RNF10: variants seen among roughly 807,000 people sequenced by gnomAD.
RNF10 encodes E3 ubiquitin-protein ligase RNF10.
RNF10 carries 38 observed loss-of-function variants against 91.4 expected under a neutral mutation model. That is an observed-to-expected ratio of 0.42 (90% confidence interval 0.32 to 0.54). The LOEUF is 0.54. Among genes scored for constraint, RNF10 ranks in the 20% least tolerant of loss-of-function variants. RNF10 has a pLI of 0.16. For missense variants in RNF10, 945 were observed against 1,012.0 expected (o/e 0.93, Z 0.90); for synonymous variants, 364 against 366.3 (o/e 0.99, Z 0.07).
intron 10 of RNF10, among the ~76,000 whole-genome samples, chr12:120,564,183 G>C (rs2137233625): frequency 6.6e-6 from 1 of 152,160 alleles, no homozygotes; most frequent in African/African-American, 2.4e-5. Flanking sequence ...TTGTAGTTTG[G>C]GGATATAGAT....
chr12:120,562,702 G>A (rs1875061746), intron 7 of RNF10, among the ~76,000 whole-genome samples: 1 of 152,074 alleles, frequency 6.6e-6, no homozygotes, highest in Non-Finnish European at 1.5e-5. Flanking sequence ...CACAATGATT[G>A]AACTAATTTA....
At position 120,544,054 on chromosome 12, in the gene RNF10, T is replaced by A. The variant is rs890921229; in HGVS notation, c.158-2351T>A. Among the ~76,000 whole-genome samples, 4 of 151,246 alleles carry A rather than the reference T, an allele frequency of 2.6e-5. No homozygotes were observed. The East Asian group carries it at 7.9e-4, about 30-fold the overall frequency. ...ACCAGCCTGGCCAATGTGGCGAAAC[T>A]CCATCTCTACTAAAAATACAGAATT... On this transcript the variant is annotated intron_variant, in intron 1 of 16. Transcript: ENST00000325954.
Position 120,546,546 on chromosome 12 carries a change from G to T in RNF10, c.299G>T (p.Gly100Val). The change falls in exon 2 of 17, where the codon GGC becomes GTC. Residue 100 changes from glycine (G) to valine (V), a missense_variant. By Grantham distance (109) the Gly-to-Val change is moderately radical (BLOSUM62 -3). Coordinates refer to ENST00000325954, the MANE Select transcript of RNF10 (RefSeq NM_014868.5). ...KTFNKMPPQR[G>V]GGSSKLFSSS... ...TTTAACAAGATGCCTCCTCAAAGGG[G>T]CGGCGGCAGCAGCAAACTCTTTAGC... 6.2e-7 allele frequency: 1 copy of T among 1,614,166 alleles called. No homozygotes were observed. Among genetic ancestry groups the T allele is most frequent in the African/African-American group, 1.3e-5 (1 of 75,044 alleles).
intron 1 of RNF10, among the ~76,000 whole-genome samples, chr12:120,535,249 A>G (rs1240725042): frequency 6.6e-6 from 1 of 152,202 alleles, no homozygotes; most frequent in Non-Finnish European, 1.5e-5. Context: ...CCCAGCTAGT[A>G]TTTGGCTCAC....
chr12:120,552,523 T>C lies in RNF10; in HGVS notation c.379T>C (p.Phe127Leu), dbSNP rs1873265494. ...GGTAGCAGAGGCTCAACGGGCAGAGTTTAGCCCTGCCCAGTTCTCTGGTCC... is the reference window on the plus strand; with the variant it reads ...GGTAGCAGAGGCTCAACGGGCAGAGCTTAGCCCTGCCCAGTTCTCTGGTCC... Reference protein sequence around the residue: ...DEVAEAQRAEFSPAQFSGPKK... With the variant: ...DEVAEAQRAELSPAQFSGPKK... The change falls in exon 3 of 17, where the codon TTT becomes CTT. Residue 127 changes from phenylalanine (F) to leucine (L), a missense_variant. Coordinates refer to ENST00000325954, the MANE Select transcript of RNF10 (RefSeq NM_014868.5). 4 of 1,613,814 alleles carry C rather than the reference T, an allele frequency of 2.5e-6. No individual in the cohort carries two copies. Among genetic ancestry groups the C allele is most frequent in the Non-Finnish European group, 3.4e-6 (4 of 1,179,732 alleles).
chr12:120,559,632 C>G (rs543209197), intron 6 of RNF10, among the ~76,000 whole-genome samples: 4 of 152,198 alleles, frequency 2.6e-5, no homozygotes, highest in East Asian at 1.9e-4. Context: ...ATCCGCCTAC[C>G]TCAGCCTCCC....
chr12:120,557,227 A>AC (rs1874181740), intron 4 of RNF10, 55 bp from the exon 5 acceptor site: 2 of 1,556,918 alleles, frequency 1.3e-6, no homozygotes, highest in Admixed American at 3.5e-5. Flanking sequence ...TAAAACTTTG[A>AC]CAGTCCCTAA....
chr12:120,576,725 A>G lies in RNF10; in HGVS notation c.*59A>G. On this transcript the variant is annotated 3_prime_UTR_variant, in exon 17 of 17. Transcript: ENST00000325954. ...TTTTGTTTTTGTTTTTTTTTCCCCC[A>G]TGCTTTTGTTTGGCTGCTGTAATTT... 1 of 1,586,410 alleles carries G rather than the reference A, an allele frequency of 6.3e-7. No homozygotes were observed. Among genetic ancestry groups the G allele is most frequent in the Non-Finnish European group, 8.5e-7 (1 of 1,170,294 alleles).
intron 2 of RNF10, among the ~76,000 whole-genome samples, chr12:120,551,957 G>A (rs1873155967): frequency 1.3e-5 from 2 of 151,620 alleles, no homozygotes; most frequent in Admixed American, 1.3e-4. Context: ...TACAGCGGGA[G>A]AACGGGAAGC....
chr12:120,540,631 A>G (rs757745516), intron 1 of RNF10, among the ~76,000 whole-genome samples: 5 of 152,168 alleles, frequency 3.3e-5, no homozygotes, highest in Middle Eastern at 3.2e-3. Context: ...CACTTGACAT[A>G]TCTGTCTTCA....
intron 14 of RNF10, chr12:120,575,104 A>C (rs931609842): frequency 6.4e-6 from 1 of 156,344 alleles, no homozygotes. Context: ...AAAATTAGCC[A>C]GGCGGGTGCC....
At chr12:120,538,877 T>G (rs916489204) in intron 1 of RNF10, among the ~76,000 whole-genome samples, 3 of 152,238 alleles carry the variant, frequency 2.0e-5, no homozygotes, top group Admixed American at 1.3e-4. Context: ...GTAATCTGCC[T>G]TGAAGAATGC....
chr12:120,565,090 A>C lies in RNF10; in HGVS notation c.1684A>C (p.Arg562=). ...SMSEDVRQRH[R]YLSHLPLTCE... The stretch of plus-strand genomic sequence containing the variant: ...AATGTAGGATGTTCGACAGCGTCAC[A>C]GATATCTCTCTCACTTGCCACTCAC... Residue 562 remains arginine, a synonymous_variant, in exon 11 of 17, where the codon AGA becomes CGA. Transcript: ENST00000325954. The C allele has an allele frequency of 6.2e-7, 1 of 1,613,624 alleles. No homozygotes were observed. Among genetic ancestry groups the C allele is most frequent in the Non-Finnish European group, 8.5e-7 (1 of 1,179,498 alleles).
chr12:120,538,214 G>T (rs1306692630), intron 1 of RNF10, among the ~76,000 whole-genome samples: 1 of 152,178 alleles, frequency 6.6e-6, no homozygotes, highest in Non-Finnish European at 1.5e-5. Flanking sequence ...AAAAGAGCAA[G>T]AGTTTTCAGT....
chr12:120,544,228 C>CA (rs1480498520), intron 1 of RNF10, among the ~76,000 whole-genome samples: 2 of 148,928 alleles, frequency 1.3e-5, no homozygotes, highest in African/African-American at 2.5e-5. Context: ...CTGTTAAAAA[C>CA]AAAAAAAAGA....
intron 1 of RNF10, among the ~76,000 whole-genome samples, chr12:120,545,484 G>A (rs1028392274): frequency 1.3e-5 from 2 of 151,552 alleles, no homozygotes; most frequent in Admixed American, 6.6e-5. Context: ...GAGCCACCGC[G>A]CCTGGCCATT....
intron 4 of RNF10, among the ~76,000 whole-genome samples, chr12:120,556,414 A>C (rs4347449): frequency 0.8 from 119,279 of 149,654 alleles, 47,844 homozygotes; most frequent in Admixed American, 0.85. Flanking sequence ...ACCTGTAGTC[A>C]CAGCTACTTG....
intron 1 of RNF10, among the ~76,000 whole-genome samples, chr12:120,544,568 G>T (rs118152539): frequency 0.015 from 2,342 of 151,892 alleles, 24 homozygotes; most frequent in South Asian, 0.027. Flanking sequence ...GAAGTGGGAG[G>T]GTGGCTTGAG....
chr12:120,537,821 G>A (rs748181315), intron 1 of RNF10, among the ~76,000 whole-genome samples: 2 of 152,046 alleles, frequency 1.3e-5, no homozygotes, highest in Non-Finnish European at 2.9e-5. Context: ...TTCTTCACTA[G>A]CCATAATCCA....
Sources: gnomAD v4.1 joint callset for allele counts (sites outside exome capture counted in the v4.1 genomes callset) on GRCh38, gnomAD v4.1.1 for gene constraint, MANE v1.5 for transcripts, NCBI Gene and HGNC (gene_info 2026-07-23, HGNC 2026-07-21) for gene names.